CCNT2: variants seen among roughly 807,000 people sequenced by gnomAD.
The protein encoded by CCNT2 is cyclin T2, also known as cyclin-T2.
In CCNT2, 18 loss-of-function variants were observed where a neutral mutation model predicts 70.0. That is an observed-to-expected ratio of 0.26 (90% CI 0.18 to 0.38). The LOEUF (loss-of-function observed/expected upper bound fraction) is 0.38, where lower values mean the gene tolerates loss of function less well. Among genes scored for constraint, CCNT2 ranks in the 10% least tolerant of loss-of-function variants. CCNT2 has a pLI of 1.00. For synonymous variants in CCNT2, 334 were observed against 313.3 expected (o/e 1.07, Z -0.70); for missense variants, 734 against 890.2 (o/e 0.82, Z 2.23).
intron 5 of CCNT2, chr2:134,943,894 A>G: frequency 1.0e-6 from 1 of 972,370 alleles, no homozygotes; most frequent in Non-Finnish European, 1.2e-6. Flanking sequence ...TCCTAAACAA[A>G]ATGAGTACGA....
At chr2:134,946,462 C>T in intron 6 of CCNT2, 1 of 1,079,952 alleles carries the variant, frequency 9.3e-7, no homozygotes, top group East Asian at 5.5e-5. Flanking sequence ...ATTCGAGCAA[C>T]TTGGTAAGTA....
chr2:134,937,106 G>A, intron 3 of CCNT2, 137 bp downstream of exon 3: 1 of 540,542 alleles, frequency 1.9e-6, no homozygotes, highest in Non-Finnish European at 3.2e-6. Context: ...GGAATGCAAT[G>A]CCAGGAAGCA....
rs1414915629 is a variant in CCNT2, at chr2:134,946,091, T to TTTC, written c.494-7_494-5dup. The TTTC allele has an allele frequency of 1.2e-6, 2 of 1,612,350 alleles. No individual in the cohort carries two copies. Among genetic ancestry groups the TTTC allele is most frequent in the Non-Finnish European group, 1.7e-6 (2 of 1,179,872 alleles). Reference sequence around the variant, plus strand: ...ATAGTATTGTCTTCGTTTTTTTTTTTTTCTTACAGCAAGCAAGGATTTGGC... The same window carrying TTTC: ...ATAGTATTGTCTTCGTTTTTTTTTTTTTCTTCTTACAGCAAGCAAGGATTTGGC... On this transcript the variant is annotated splice_polypyrimidine_tract_variant and intron_variant, in intron 5 of 8. Transcript: ENST00000264157.
At chr2:134,937,012 A>G (rs2105049445) in intron 3 of CCNT2, 43 bp downstream of exon 3, 1 of 1,482,550 alleles carries the variant, frequency 6.7e-7, no homozygotes, top group East Asian at 2.3e-5. Context: ...GTAAATTTGA[A>G]ACTTTTTCAT....
chr2:134,953,784 T>A lies in CCNT2; in HGVS notation c.1329T>A (p.Arg443=), dbSNP rs1682713009. ...CTTTAGATAAATATAGAGAAAAGCGTAAACTAGAAACTCTTGATCTCGATG... is the reference window on the plus strand; with the variant it reads ...CTTTAGATAAATATAGAGAAAAGCGAAAACTAGAAACTCTTGATCTCGATG... The part of the protein sequence containing the change: ...KMSLDKYREK[R]KLETLDLDVR... The change falls in exon 9 of 9, where the codon CGT becomes CGA. Residue 443 remains arginine, a synonymous_variant. Transcript: ENST00000264157. The A allele has an allele frequency of 6.2e-7, 1 of 1,613,946 alleles. No individual in the cohort carries two copies. The highest frequency in any genetic ancestry group is 8.5e-7 in the Non-Finnish European group (1 of 1,179,922).
chr2:134,954,896 C>T lies in CCNT2; in HGVS notation c.*248C>T. The T allele has an allele frequency of 2.5e-6, 1 of 396,934 alleles. No individual in the cohort carries two copies. Among genetic ancestry groups the T allele is most frequent in the Non-Finnish European group, 4.5e-6 (1 of 220,898 alleles). 24.6% of individuals were successfully genotyped at this position (396,934 alleles called of 1,614,324 possible). On this transcript the variant is annotated 3_prime_UTR_variant, in exon 9 of 9. Coordinates refer to ENST00000264157, the MANE Select transcript of CCNT2 (RefSeq NM_058241.3). ...GCAAAACTCAGTATTTCTACAATTGCAGCTAAGAACATTAGGATGAATGGC... is the reference window on the plus strand; with the variant it reads ...GCAAAACTCAGTATTTCTACAATTGTAGCTAAGAACATTAGGATGAATGGC...
intron 6 of CCNT2, among the ~76,000 whole-genome samples, chr2:134,946,905 A>G (rs1267189588): frequency 6.6e-6 from 1 of 152,176 alleles, no homozygotes; most frequent in East Asian, 1.9e-4. Flanking sequence ...CCAGCTTTGT[A>G]TGGTCCCTAA....
chr2:134,945,165 A>G, intron 5 of CCNT2: 1 of 985,370 alleles, frequency 1.0e-6, no homozygotes, highest in Non-Finnish European at 1.2e-6. Flanking sequence ...TAAAACCTTT[A>G]TGTTGATGAT....
rs193166332 is a variant in CCNT2, at chr2:134,943,996, T to G, written c.493+1322T>G. The G allele has an allele frequency of 1.0e-5, 10 of 976,408 alleles. No homozygotes were observed. In the East Asian group the frequency reaches 1.1e-3, roughly 111 times the overall value. 60.5% of individuals were successfully genotyped at this position (976,408 alleles called of 1,614,324 possible). On this transcript the variant is annotated intron_variant, in intron 5 of 8. Coordinates refer to ENST00000264157, the MANE Select transcript of CCNT2 (RefSeq NM_058241.3). ...ATTCATTTTATACCTAGTGATTTAT[T>G]ATGTTAGTGGCTACAATTTTTTAAA... is the stretch of plus-strand genomic sequence containing the variant.
intron 5 of CCNT2, chr2:134,943,905 C>T: frequency 3.1e-6 from 3 of 968,762 alleles, no homozygotes; most frequent in Non-Finnish European, 3.7e-6. Flanking sequence ...ATGAGTACGA[C>T]TTTTGAAAAT....
At chr2:134,919,453 A>G (rs1679697659) in intron 1 of CCNT2, among the ~76,000 whole-genome samples, 1 of 151,876 alleles carries the variant, frequency 6.6e-6, no homozygotes, top group African/African-American at 2.4e-5. Context: ...GCTCTCTTCT[A>G]CCTTGGGAGC....
At chr2:134,934,314 A>G (rs1680996983) in intron 2 of CCNT2, among the ~76,000 whole-genome samples, 1 of 152,200 alleles carries the variant, frequency 6.6e-6, no homozygotes, top group Non-Finnish European at 1.5e-5. Context: ...TAATTGTTTG[A>G]TTACTTGAAC....
rs1682666654 is a variant in CCNT2, at chr2:134,953,259, A to G, written c.804A>G (p.Val268=). 6.2e-7 allele frequency: 1 copy of G among 1,611,362 alleles called. No homozygotes were observed. Among genetic ancestry groups the G allele is most frequent in the South Asian group, 1.1e-5 (1 of 91,058 alleles). ...RANQAARKPK[V]DGQVSETPLL... is the part of the protein sequence containing the mutation. The stretch of plus-strand genomic sequence containing the variant: ...ATCAGGCAGCTAGGAAACCAAAAGT[A>G]GATGGACAGGTATCAGAGACACCAC... Residue 268 remains valine, a synonymous_variant, in exon 9 of 9, where the codon GTA becomes GTG. Transcript: ENST00000264157.
intron 2 of CCNT2, among the ~76,000 whole-genome samples, chr2:134,929,635 G>GAGAGAGAGAGAGAGAGA (rs1162062330): frequency 9.2e-5 from 12 of 129,986 alleles, no homozygotes; most frequent in Admixed American, 3.3e-4. Flanking sequence ...GAGAGAGAGA[G>GAGAGAGAGAGAGAGAGA]AACTAATAAA....
In CCNT2 at chr2:134,953,436, A is replaced by C. The variant is rs775310444; in HGVS notation, c.981A>C (p.Thr327=). ...ATATTTCTGTTCAAGACAGCCATAC[A>C]TCTGATAATTTGTCAATGCTAGCAA... is the stretch of plus-strand genomic sequence containing the variant. ...SGNISVQDSH[T]SDNLSMLATG... is the part of the protein sequence containing the mutation. Residue 327 remains threonine, a synonymous_variant, in exon 9 of 9, where the codon ACA becomes ACC. Coordinates refer to ENST00000264157, the MANE Select transcript of CCNT2 (RefSeq NM_058241.3). 17 of 1,612,736 alleles carry C rather than the reference A, an allele frequency of 1.1e-5. 1 individual carries two copies. The South Asian group carries it at 1.9e-4, about 18-fold the overall frequency.
At position 134,936,945 on chromosome 2, in the gene CCNT2, G is replaced by C. The variant is rs570577437; in HGVS notation, c.345G>C (p.Glu115Asp). ...CACATGCTTGTCTTCATCCTCTAGA[G>C]CCACTGCTGGATACTAAATGTGATG... ...KVAHACLHPLEPLLDTKCDAY... is the reference protein window; with the variant it reads ...KVAHACLHPLDPLLDTKCDAY... The change falls in exon 3 of 9, where the codon GAG (glutamate) becomes GAC (aspartate). Residue 115 changes from glutamate to aspartate, a missense_variant. Physicochemically the swap from Glu to Asp is conservative, Grantham distance 45. Transcript: ENST00000264157. 1.2e-6 allele frequency: 2 copies of C among 1,610,008 alleles called. No individual in the cohort carries two copies. The highest frequency in any genetic ancestry group is 4.5e-5 in the East Asian group (2 of 44,834).
chr2:134,933,134 T>C (rs964567925), intron 2 of CCNT2, among the ~76,000 whole-genome samples: 3 of 152,190 alleles, frequency 2.0e-5, no homozygotes, highest in Non-Finnish European at 4.4e-5. Context: ...CTGTTGGTAA[T>C]AGTAAGTGAA....
Position 134,954,865 on chromosome 2 carries a change from G to A in CCNT2, c.*217G>A. ...GTGTTATAAATACTGTAAAAGCATG[G>A]AAGGTGCAAAACTCAGTATTTCTAC... On this transcript the variant is annotated 3_prime_UTR_variant, in exon 9 of 9. Coordinates refer to ENST00000264157, the MANE Select transcript of CCNT2 (RefSeq NM_058241.3). 2.1e-6 allele frequency: 1 copy of A among 481,750 alleles called. No individual in the cohort carries two copies. Among genetic ancestry groups the A allele is most frequent in the Non-Finnish European group, 3.7e-6 (1 of 271,242 alleles). The allele number at this position is 481,750 out of a possible 1,614,324, so 29.8% of individuals were successfully genotyped here. A position where few individuals can be genotyped will look rare whatever the true frequency, so the allele number is the denominator to read the frequency against.
At chr2:134,930,847 A>G (rs765713524) in intron 2 of CCNT2, among the ~76,000 whole-genome samples, 5 of 152,082 alleles carry the variant, frequency 3.3e-5, no homozygotes, top group Non-Finnish European at 7.4e-5. Flanking sequence ...ACCTTTACCT[A>G]AACTAGAGTC....
Sources: allele counts gnomAD v4.1 joint callset (sites outside exome capture counted in the v4.1 genomes callset), GRCh38; gene constraint gnomAD v4.1.1; transcripts MANE v1.5; gene names NCBI Gene and HGNC (gene_info 2026-07-23, HGNC 2026-07-21).